The following SDK1 variants were observed in gnomAD, a reference collection of about 807,000 sequenced individuals.
SDK1 encodes the protein sidekick cell adhesion molecule 1.
In SDK1, 157 loss-of-function variants were observed where a neutral mutation model predicts 245.5. The observed-to-expected ratio is 0.64, with a 90% CI of 0.56 to 0.73. The LOEUF is 0.73. Among genes scored for constraint, SDK1 ranks in the 30% least tolerant of loss-of-function variants. The pLI is 0.00. For missense variants in SDK1, 3,583 were observed against 3,002.3 expected (o/e 1.19, Z -4.52); for synonymous variants, 1,647 against 1,278.5 (o/e 1.29, Z -6.15).
At chr7:4,217,462 C>G (rs534782763) in intron 38 of SDK1, among the ~76,000 whole-genome samples, 28 of 97,888 alleles carry the variant, frequency 2.9e-4, no homozygotes, top group South Asian at 1.2e-3. Flanking sequence ...CGGAGCACCA[C>G]ACCACCCGGA....
At position 3,831,532 on chromosome 7, in the gene SDK1, G is replaced by C. The variant is rs372315726; in HGVS notation, c.847+9949G>C. ...GAAAAATGAAAATATATTATTTTCT[G>C]ATTCAAAGGGAGCACCTAGAGTGGT... On this transcript the variant is annotated intron_variant, in intron 5 of 44. Transcript: ENST00000404826. Among the ~76,000 whole-genome samples the C allele has an allele frequency of 6.0e-4, 91 of 152,154 alleles. 2 individuals are homozygous for C. In the South Asian group the frequency reaches 0.017, roughly 29 times the overall value.
At chr7:3,760,537 T>A (rs1583385439) in intron 4 of SDK1, among the ~76,000 whole-genome samples, 1 of 152,374 alleles carries the variant, frequency 6.6e-6, no homozygotes, top group South Asian at 2.1e-4. Flanking sequence ...ATAAATCTCT[T>A]TTTGTACATG....
chr7:3,729,342 C>T (rs1583349593), intron 4 of SDK1, among the ~76,000 whole-genome samples: 2 of 152,182 alleles, frequency 1.3e-5, no homozygotes, highest in East Asian at 3.8e-4. Flanking sequence ...AAAGTGCTTG[C>T]TCTAGCGCTG....
chr7:3,495,887 C>G (rs143643633), intron 1 of SDK1, among the ~76,000 whole-genome samples: 471 of 152,318 alleles, frequency 3.1e-3, no homozygotes, highest in Non-Finnish European at 5.3e-3. Flanking sequence ...TGAGTTAATA[C>G]CGTATTCTAA....
intron 18 of SDK1, among the ~76,000 whole-genome samples, chr7:4,051,069 T>C (rs560095304): frequency 7.1e-5 from 10 of 141,250 alleles, no homozygotes; most frequent in African/African-American, 2.6e-4. Context: ...ATATATGTTA[T>C]GTATGTTATA....
At chr7:4,202,691 C>T (rs1783960997) in intron 35 of SDK1, among the ~76,000 whole-genome samples, 1 of 152,234 alleles carries the variant, frequency 6.6e-6, no homozygotes, top group African/African-American at 2.4e-5. Context: ...ATTCCTACAG[C>T]TCTGAAACTT....
intron 5 of SDK1, among the ~76,000 whole-genome samples, chr7:3,912,284 A>G (rs1391965429): frequency 6.6e-6 from 1 of 152,166 alleles, no homozygotes; most frequent in Non-Finnish European, 1.5e-5. Context: ...TTATTCCAAA[A>G]TTTGCTTTCA....
At chr7:3,696,495 G>C (rs755120682) in intron 4 of SDK1, among the ~76,000 whole-genome samples, 1 of 151,930 alleles carries the variant, frequency 6.6e-6, no homozygotes, top group East Asian at 1.9e-4. Flanking sequence ...CCTCATCTGA[G>C]CCCAGGATTT....
At chr7:3,779,957 A>AT (rs1448608982) in intron 4 of SDK1, among the ~76,000 whole-genome samples, 2 of 151,674 alleles carry the variant, frequency 1.3e-5, no homozygotes, top group Non-Finnish European at 2.9e-5. Flanking sequence ...AAAAAAAAAA[A>AT]AAAAGATGAT....
rs116931381 is a variant in SDK1, at chr7:3,523,546, G to A, written c.299-95534G>A. 5.7e-3 allele frequency among the ~76,000 whole-genome samples: 875 copies of A among 152,182 alleles called. 4 individuals are homozygous for A. Among genetic ancestry groups the A allele is most frequent in the Non-Finnish European group, 8.5e-3 (581 of 68,006 alleles). ...TTTCAATGTTAGCTAAAGCTCCTAA[G>A]ACTCCTGTAGACGGTCTTTTTCGAC... On this transcript the variant is annotated intron_variant, in intron 1 of 44. Coordinates refer to ENST00000404826, the MANE Select transcript of SDK1 (RefSeq NM_152744.4).
In SDK1 at chr7:3,431,381, T is replaced by TA. The variant is rs1554270303; in HGVS notation, c.298+129500dup. 6.1e-5 allele frequency among the ~76,000 whole-genome samples: 9 copies of TA among 148,286 alleles called. 1 individual carries two copies. Among genetic ancestry groups the TA allele is most frequent in the Admixed American group, 1.3e-4 (2 of 14,860 alleles). On this transcript the variant is annotated intron_variant, in intron 1 of 44. Coordinates refer to ENST00000404826, the MANE Select transcript of SDK1 (RefSeq NM_152744.4). Reference sequence around the variant, plus strand: ...AGGTTTTTTTTTTTTTTTTTTTTTTTAAAGCAAATTCATTTTACTTAGCCA... The same window carrying TA: ...AGGTTTTTTTTTTTTTTTTTTTTTTTAAAAGCAAATTCATTTTACTTAGCCA...
At position 3,639,020 on chromosome 7, in the gene SDK1, T is replaced by G. The variant is rs1782561718; in HGVS notation, c.475T>G (p.Leu159Val). Residue 159 changes from leucine to valine, a missense_variant, in exon 3 of 45, where the codon TTG (leucine) becomes GTG (valine). Transcript: ENST00000404826. ...ATTCAACAGGTACATTATTCCATCTTTGCAGAAGCTCGATGCTGGGTTTTA... is the reference window on the plus strand; with the variant it reads ...ATTCAACAGGTACATTATTCCATCTGTGCAGAAGCTCGATGCTGGGTTTTA... Reference protein sequence around the residue: ...SSEYKYIIPSLQKLDAGFYRC... With the variant: ...SSEYKYIIPSVQKLDAGFYRC... 5 of 1,602,426 alleles carry G rather than the reference T, an allele frequency of 3.1e-6. No homozygotes were observed. The highest frequency in any genetic ancestry group is 3.4e-6 in the Non-Finnish European group (4 of 1,171,350).
intron 25 of SDK1, among the ~76,000 whole-genome samples, chr7:4,117,334 G>A (rs1201828207): frequency 1.3e-5 from 2 of 152,110 alleles, no homozygotes; most frequent in Non-Finnish European, 2.9e-5. Flanking sequence ...CAGGTGTGGT[G>A]GCATGCACCT....
intron 5 of SDK1, among the ~76,000 whole-genome samples, chr7:3,892,949 C>T (rs1324601734): frequency 6.6e-6 from 1 of 152,192 alleles, no homozygotes; most frequent in Non-Finnish European, 1.5e-5. Flanking sequence ...GCGCACTTCA[C>T]ATGGCAGGGA....
intron 22 of SDK1, among the ~76,000 whole-genome samples, chr7:4,086,323 G>C (rs1781425677): frequency 6.6e-6 from 1 of 152,200 alleles, no homozygotes; most frequent in Admixed American, 6.5e-5. Flanking sequence ...CAAAAACTGA[G>C]TGGCTGATAC....
intron 1 of SDK1, among the ~76,000 whole-genome samples, chr7:3,435,624 C>T (rs1184493881): frequency 6.6e-6 from 1 of 152,048 alleles, no homozygotes; most frequent in Non-Finnish European, 1.5e-5. Flanking sequence ...TTCGGCCTCC[C>T]AAAGTGCTGG....
intron 1 of SDK1, among the ~76,000 whole-genome samples, chr7:3,504,142 T>G (rs1292622382): frequency 3.4e-5 from 5 of 145,744 alleles, no homozygotes; most frequent in Non-Finnish European, 7.6e-5. Flanking sequence ...AGAGCGAGAC[T>G]CCTTCTCAAA....
rs768699771 is a variant in SDK1 at position 4,051,663 on chromosome 7, C to G, written c.2744C>G (p.Pro915Arg). Reference protein sequence around the residue: ...YKLLAWPADAPEAVTVVTIAP... With the variant: ...YKLLAWPADAREAVTVVTIAP... ...CTTCTGGCATGGCCGGCAGATGCCC[C>G]CGAGGCTGTCACTGTGGTCACTATT... is the stretch of plus-strand genomic sequence containing the variant. The change falls in exon 19 of 45, where the codon CCC becomes CGC. Residue 915 changes from proline (P) to arginine (R), a missense_variant. By Grantham distance (103) the Pro-to-Arg change is moderately radical. Coordinates refer to ENST00000404826, the MANE Select transcript of SDK1 (RefSeq NM_152744.4). 6.2e-6 allele frequency: 10 copies of G among 1,612,394 alleles called. No individual in the cohort carries two copies. The highest frequency in any genetic ancestry group is 6.8e-6 in the Non-Finnish European group (8 of 1,179,352).
Position 4,114,054 on chromosome 7 carries a change from G to C in SDK1, c.3603G>C (p.Gln1201His). The C allele has an allele frequency of 6.2e-7, 1 of 1,614,188 alleles. No homozygotes were observed. Among genetic ancestry groups the C allele is most frequent in the South Asian group, 1.1e-5 (1 of 91,080 alleles). ...CTTCCTAGCCCCTGCCGGATTCTCAGTACAACGGGAACCCCGAGTCCGTGG... is the reference window on the plus strand; with the variant it reads ...CTTCCTAGCCCCTGCCGGATTCTCACTACAACGGGAACCCCGAGTCCGTGG... ...RLRWVPLPDS[Q>H]YNGNPESVGY... is the part of the protein sequence containing the mutation. Residue 1201 changes from glutamine to histidine, a missense_variant, in exon 25 of 45, where the codon CAG becomes CAC. Transcript: ENST00000404826.
Sources: allele counts gnomAD v4.1 joint callset (sites outside exome capture counted in the v4.1 genomes callset), GRCh38; gene constraint gnomAD v4.1.1; transcripts MANE v1.5; gene names NCBI Gene and HGNC (gene_info 2026-07-23, HGNC 2026-07-21).